The following LRRC7 variants were observed in gnomAD, a reference collection of about 807,000 sequenced individuals.
LRRC7 encodes leucine rich repeat containing 7, also known as leucine-rich repeat-containing protein 7.
LRRC7 carries 23 observed loss-of-function variants against 175.7 expected under a neutral mutation model. The observed-to-expected ratio is 0.13, with a 90% confidence interval of 0.09 to 0.19. The LOEUF (loss-of-function observed/expected upper bound fraction) is 0.19, where lower values mean the gene tolerates loss of function less well. Ranked by LOEUF, LRRC7 falls within the 10% of genes least tolerant of loss-of-function variation. The pLI is 1.00. For missense variants in LRRC7, 1,354 were observed against 1,904.7 expected (o/e 0.71, Z 5.38); for synonymous variants, 685 against 680.9 (o/e 1.01, Z -0.09).
intron 6 of LRRC7, among the ~76,000 whole-genome samples, chr1:69,835,340 T>C (rs1680983449): frequency 6.6e-6 from 1 of 151,846 alleles, no homozygotes; most frequent in Non-Finnish European, 1.5e-5. Flanking sequence ...ATTATTTATA[T>C]ATTTAACATA....
chr1:69,633,094 A>G (rs1652766201), intron 1 of LRRC7, among the ~76,000 whole-genome samples: 1 of 152,032 alleles, frequency 6.6e-6, no homozygotes, highest in Admixed American at 6.6e-5. Flanking sequence ...TTCCATGATT[A>G]CTTCATAAAG....
intron 2 of LRRC7, among the ~76,000 whole-genome samples, chr1:69,719,896 T>C (rs1666166091): frequency 6.6e-6 from 1 of 151,672 alleles, no homozygotes; most frequent in Non-Finnish European, 1.5e-5. Flanking sequence ...TGCCTTTTGC[T>C]TTAAAATCTA....
At position 69,700,649 on chromosome 1, in the gene LRRC7, G is replaced by T. The variant is rs545885366; in HGVS notation, c.100+22171G>T. Among the ~76,000 whole-genome samples the T allele has an allele frequency of 3.1e-4, 47 of 152,278 alleles. 2 individuals are homozygous for T. Among genetic ancestry groups the T allele is most frequent in the African/African-American group, 1.1e-3 (47 of 41,554 alleles). ...ACGTAGGAGCTTAGAAACACACCCA[G>T]CTACCTCAGTCAAGCCAAGGGGGAA... On this transcript the variant is annotated intron_variant, in intron 2 of 26. Coordinates refer to ENST00000651989, the MANE Select transcript of LRRC7 (RefSeq NM_001370785.2).
chr1:70,035,428 CAA>C (rs1018004126), intron 18 of LRRC7, among the ~76,000 whole-genome samples: 12 of 151,630 alleles, frequency 7.9e-5, no homozygotes, highest in Middle Eastern at 3.2e-3. Flanking sequence ...TCGTTACACT[CAA>C]AGAAGGGATA....
At chr1:70,085,537 G>T (rs1482080946) in intron 24 of LRRC7, among the ~76,000 whole-genome samples, 2 of 151,960 alleles carry the variant, frequency 1.3e-5, no homozygotes, top group East Asian at 1.9e-4. Context: ...ATTTATAATT[G>T]CTGTCCCCTT....
At chr1:69,947,284 A>G (rs941366090) in intron 8 of LRRC7, among the ~76,000 whole-genome samples, 1 of 151,834 alleles carries the variant, frequency 6.6e-6, no homozygotes, top group Non-Finnish European at 1.5e-5. Context: ...AGGACTTAGT[A>G]TTGCCATTTT....
chr1:69,615,318 C>G (rs1373553850), intron 1 of LRRC7, among the ~76,000 whole-genome samples: 1 of 151,960 alleles, frequency 6.6e-6, no homozygotes, highest in African/African-American at 2.4e-5. Flanking sequence ...AACAACAGTT[C>G]TGATCAATGA....
chr1:69,829,075 G>A (rs1420261857), intron 5 of LRRC7, among the ~76,000 whole-genome samples: 1 of 151,818 alleles, frequency 6.6e-6, no homozygotes, highest in Non-Finnish European at 1.5e-5. Context: ...CTAAATAAAA[G>A]TATTAAAATT....
rs750690073 is a variant in LRRC7, at chr1:70,130,816, C to T, written c.*8929C>T. ...AGAATAAAAGATGTCATGAGAGAGA[C>T]GAGGCTACGGAAGTGTAGTTGAGAG... is the stretch of plus-strand genomic sequence containing the variant. On this transcript the variant is annotated 3_prime_UTR_variant, in exon 27 of 27. Coordinates refer to ENST00000651989, the MANE Select transcript of LRRC7 (RefSeq NM_001370785.2). 6.6e-6 allele frequency among the ~76,000 whole-genome samples: 1 copy of T among 152,044 alleles called. No homozygotes were observed. The highest frequency in any genetic ancestry group is 1.5e-5 in the Non-Finnish European group (1 of 68,046).
At chr1:69,718,136 A>G (rs201848605) in intron 2 of LRRC7, among the ~76,000 whole-genome samples, 14,987 of 78,330 alleles carry the variant, frequency 0.19, 1,574 homozygotes, top group African/African-American at 0.27. Flanking sequence ...AAAAGAAAGA[A>G]AGAGAGAGAA....
chr1:69,706,232 A>G (rs1339733154), intron 2 of LRRC7, among the ~76,000 whole-genome samples: 1 of 152,062 alleles, frequency 6.6e-6, no homozygotes, highest in Non-Finnish European at 1.5e-5. Flanking sequence ...TACTGATTCC[A>G]TTTTGCTTAC....
At chr1:69,739,139 T>C (rs1668436227) in intron 2 of LRRC7, among the ~76,000 whole-genome samples, 1 of 152,008 alleles carries the variant, frequency 6.6e-6, no homozygotes, top group African/African-American at 2.4e-5. Context: ...TAAGATTAGG[T>C]TGAGCTTATG....
At chr1:69,840,782 T>G (rs1681633963) in intron 7 of LRRC7, among the ~76,000 whole-genome samples, 1 of 152,098 alleles carries the variant, frequency 6.6e-6, no homozygotes, top group Non-Finnish European at 1.5e-5. Flanking sequence ...TAGTCAAGTC[T>G]TGATTATTTG....
At chr1:69,922,424 C>G (rs1398671077) in intron 7 of LRRC7, among the ~76,000 whole-genome samples, 1 of 152,164 alleles carries the variant, frequency 6.6e-6, no homozygotes, top group Non-Finnish European at 1.5e-5. Context: ...TCTCTAGCAA[C>G]CTACACGTAT....
Position 69,870,402 on chromosome 1 carries a change from T to C in LRRC7, c.647+32119T>C, listed in dbSNP as rs996316323. 3.3e-5 allele frequency among the ~76,000 whole-genome samples: 5 copies of C among 152,136 alleles called. 1 individual carries two copies. The South Asian group carries it at 1.0e-3, about 31-fold the overall frequency. ...CCAGGTCCTTCATAGAAGAGGTTGA[T>C]TGAGCCTGGTATCAAGTATAGAAGC... On this transcript the variant is annotated intron_variant, in intron 7 of 26. Transcript: ENST00000651989.
At chr1:69,742,370 C>T (rs1668807525) in intron 2 of LRRC7, among the ~76,000 whole-genome samples, 2 of 151,890 alleles carry the variant, frequency 1.3e-5, no homozygotes, top group Non-Finnish European at 2.9e-5. Context: ...AACTAAGTAA[C>T]ATAGAATATT....
At chr1:69,932,151 C>A (rs1434711444) in intron 8 of LRRC7, among the ~76,000 whole-genome samples, 1 of 152,212 alleles carries the variant, frequency 6.6e-6, no homozygotes, top group Non-Finnish European at 1.5e-5. Context: ...AGACCAAAAT[C>A]TCAGATGCAA....
intron 2 of LRRC7, among the ~76,000 whole-genome samples, chr1:69,724,325 G>C (rs1229138905): frequency 1.3e-5 from 2 of 152,132 alleles, no homozygotes; most frequent in African/African-American, 4.8e-5. Flanking sequence ...CTGGGCGACA[G>C]AACGAGACTC....
chr1:70,016,598 A>G (rs561169038), intron 14 of LRRC7, 64 bp downstream of exon 14: 28 of 1,263,824 alleles, frequency 2.2e-5, no homozygotes, highest in Non-Finnish European at 2.9e-5. Flanking sequence ...TTGAATTACT[A>G]ATTTATTCCC....
Sources: allele counts gnomAD v4.1 joint callset (sites outside exome capture counted in the v4.1 genomes callset), GRCh38; gene constraint gnomAD v4.1.1; transcripts MANE v1.5; gene names NCBI Gene and HGNC (gene_info 2026-07-23, HGNC 2026-07-21).